Variants in MAMDC2 observed in about 807,000 individuals in gnomAD.
The protein encoded by MAMDC2 is MAM domain-containing protein 2.
A neutral mutation model predicts 89.8 loss-of-function variants in MAMDC2; 57 were observed. That is an observed-to-expected ratio of 0.63 (90% confidence interval 0.51 to 0.79). The LOEUF is 0.79. Ranked by LOEUF, MAMDC2 falls within the 30% of genes least tolerant of loss-of-function variation. MAMDC2 has a pLI of 0.00. For missense variants in MAMDC2, 800 were observed against 820.6 expected (o/e 0.97, Z 0.31); for synonymous variants, 313 against 293.4 (o/e 1.07, Z -0.68).
In MAMDC2 at chr9:70,168,293, A is replaced by G. The variant is rs545502708; in HGVS notation, c.1405-409A>G. Among the ~76,000 whole-genome samples the G allele has an allele frequency of 5.3e-5, 8 of 152,284 alleles. No homozygotes were observed. In the East Asian group the frequency reaches 1.5e-3, roughly 29 times the overall value. On this transcript the variant is annotated intron_variant, in intron 9 of 13. Transcript: ENST00000377182. ...GATCACCTGAGGTCAGGAGTTTGAG[A>G]CCAGCCTGGCCAACATGGTGAAACC... is the stretch of plus-strand genomic sequence containing the variant.
In MAMDC2 at chr9:70,049,142, C is replaced by T. The variant is rs75417826; in HGVS notation, c.148+4445C>T. On this transcript the variant is annotated intron_variant, in intron 2 of 13. Coordinates refer to ENST00000377182, the MANE Select transcript of MAMDC2 (RefSeq NM_153267.5). ...CCTAATACAGAAAAAGGTTGGATGG[C>T]TTTTGTACCCAGGAGTGAGTGATAG... is the stretch of plus-strand genomic sequence containing the variant. Among the ~76,000 whole-genome samples the T allele has an allele frequency of 4.3e-3, 660 of 151,932 alleles. 40 individuals are homozygous for T. In the East Asian group the frequency reaches 0.11, roughly 26 times the overall value.
intron 9 of MAMDC2, among the ~76,000 whole-genome samples, chr9:70,162,847 G>A (rs1213454759): frequency 6.7e-6 from 1 of 149,884 alleles, no homozygotes. Flanking sequence ...CTGACCCCTT[G>A]GACTAACACA....
chr9:70,138,782 C>T (rs890174840), intron 7 of MAMDC2, among the ~76,000 whole-genome samples: 4 of 152,038 alleles, frequency 2.6e-5, no homozygotes, highest in South Asian at 2.1e-4. Context: ...TACCAGAACT[C>T]GGCAAAGTCA....
At chr9:70,192,771 T>C (rs574950404) in intron 11 of MAMDC2, among the ~76,000 whole-genome samples, 27 of 152,050 alleles carry the variant, frequency 1.8e-4, no homozygotes, top group Non-Finnish European at 2.8e-4. Flanking sequence ...TGCAACGGGA[T>C]TTTGCAGTAG....
At chr9:70,212,114 C>G (rs987040675) in intron 11 of MAMDC2, among the ~76,000 whole-genome samples, 1 of 152,368 alleles carries the variant, frequency 6.6e-6, no homozygotes, top group African/African-American at 2.4e-5. Context: ...GTTCTCAGAT[C>G]TCAAACTCCA....
intron 7 of MAMDC2, 51 bp downstream of exon 7, chr9:70,131,663 G>A: frequency 7.6e-7 from 1 of 1,318,408 alleles, no homozygotes; most frequent in Non-Finnish European, 1.1e-6. Flanking sequence ...TGTTTCAATA[G>A]ATGTTTGTGG....
chr9:70,083,684 TC>T, intron 2 of MAMDC2: 1 of 144,164 alleles, frequency 6.9e-6, no homozygotes, highest in Non-Finnish European at 1.5e-5. Flanking sequence ...CATGATTTCT[TC>T]CTTTCTTTCT....
chr9:70,160,589 G>C (rs1334790171), intron 9 of MAMDC2, among the ~76,000 whole-genome samples: 1 of 152,188 alleles, frequency 6.6e-6, no homozygotes, highest in Non-Finnish European at 1.5e-5. Context: ...GGGTGCAAGT[G>C]AAGATAAGGG....
intron 5 of MAMDC2, among the ~76,000 whole-genome samples, chr9:70,122,379 G>T (rs181540186): frequency 4.9e-4 from 75 of 152,270 alleles, no homozygotes; most frequent in African/African-American, 1.6e-3. Flanking sequence ...ACAAAATATT[G>T]TCCACACAGC....
At chr9:70,062,397 T>C (rs1827168840) in intron 2 of MAMDC2, 1 of 152,166 alleles carries the variant, frequency 6.6e-6, no homozygotes, top group Non-Finnish European at 1.5e-5. Flanking sequence ...AGATGAGCTA[T>C]AGGAAAAAGA....
At chr9:70,205,713 AATTT>A (rs1399711413) in intron 11 of MAMDC2, among the ~76,000 whole-genome samples, 6 of 152,176 alleles carry the variant, frequency 3.9e-5, no homozygotes, top group Admixed American at 3.3e-4. Context: ...GAGAGAATGT[AATTT>A]ATTTTCTCCA....
intron 2 of MAMDC2, among the ~76,000 whole-genome samples, chr9:70,064,689 A>C (rs1827225053): frequency 6.6e-6 from 1 of 152,168 alleles, no homozygotes; most frequent in Admixed American, 6.5e-5. Flanking sequence ...AAATGGCAAA[A>C]ATTTTACTGC....
At chr9:70,147,617 C>T (rs1360221698) in intron 9 of MAMDC2, among the ~76,000 whole-genome samples, 1 of 150,138 alleles carries the variant, frequency 6.7e-6, no homozygotes, top group African/African-American at 2.5e-5. Context: ...AAATCTCCCC[C>T]GACCCCGCAT....
intron 2 of MAMDC2, among the ~76,000 whole-genome samples, chr9:70,054,124 T>C (rs1826974202): frequency 6.6e-6 from 1 of 152,066 alleles, no homozygotes; most frequent in Non-Finnish European, 1.5e-5. Flanking sequence ...CTGGGACACA[T>C]CCAAGTGGAG....
At chr9:70,187,277 T>C (rs2032777695) in intron 11 of MAMDC2, among the ~76,000 whole-genome samples, 1 of 152,150 alleles carries the variant, frequency 6.6e-6, no homozygotes, top group South Asian at 2.1e-4. Flanking sequence ...ACAAATATTT[T>C]CTTTCTTTTT....
intron 2 of MAMDC2, among the ~76,000 whole-genome samples, chr9:70,068,258 C>T (rs1026683878): frequency 3.9e-5 from 6 of 152,112 alleles, no homozygotes; most frequent in East Asian, 1.9e-4. Context: ...TTAAAAGGCA[C>T]GATAATCACT....
intron 11 of MAMDC2, among the ~76,000 whole-genome samples, chr9:70,205,554 A>T (rs1200720066): frequency 6.6e-6 from 1 of 152,156 alleles, no homozygotes; most frequent in Non-Finnish European, 1.5e-5. Flanking sequence ...AGACTGGAGG[A>T]ACAGCTGCTT....
chr9:70,223,583 G>T (rs1270518409), intron 12 of MAMDC2, among the ~76,000 whole-genome samples: 1 of 152,182 alleles, frequency 6.6e-6, no homozygotes, highest in African/African-American at 2.4e-5. Context: ...TGAGCTAGCA[G>T]TTCACATGGT....
intron 9 of MAMDC2, among the ~76,000 whole-genome samples, chr9:70,144,501 T>C (rs1476420396): frequency 6.6e-6 from 1 of 152,222 alleles, no homozygotes; most frequent in Non-Finnish European, 1.5e-5. Flanking sequence ...TTCTGTCAAC[T>C]GCAACTCAGA....
Sources: gnomAD v4.1 joint callset for allele counts (sites outside exome capture counted in the v4.1 genomes callset) on GRCh38, gnomAD v4.1.1 for gene constraint, MANE v1.5 for transcripts, NCBI Gene and HGNC (gene_info 2026-07-23, HGNC 2026-07-21) for gene names.